Variants in SLC24A4 observed in about 807,000 individuals in gnomAD.
The protein encoded by SLC24A4 is sodium/potassium/calcium exchanger 4.
In SLC24A4, 53 loss-of-function variants were observed where a neutral mutation model predicts 79.0. The observed-to-expected ratio is 0.67, with a 90% confidence interval of 0.54 to 0.84. The LOEUF is 0.84. Among genes scored for constraint, SLC24A4 ranks in the 40% least tolerant of loss-of-function variants. The pLI is 0.00. For synonymous variants in SLC24A4, 323 were observed against 323.8 expected, an observed-to-expected ratio of 1.00 and a Z score of 0.03; for missense variants, 731 against 822.0, an observed-to-expected ratio of 0.89 and a Z score of 1.35.
chr14:92,375,479 G>T (rs1045801207), intron 2 of SLC24A4, among the ~76,000 whole-genome samples: 1 of 152,174 alleles, frequency 6.6e-6, no homozygotes, highest in Non-Finnish European at 1.5e-5. Flanking sequence ...TTGAAAACAG[G>T]TGCTTAAACA....
intron 11 of SLC24A4, among the ~76,000 whole-genome samples, chr14:92,455,337 A>G (rs898689356): frequency 6.6e-6 from 1 of 152,240 alleles, no homozygotes; most frequent in African/African-American, 2.4e-5. Flanking sequence ...TCTTCATAAC[A>G]ACCAAAAAGG....
chr14:92,388,716 C>T (rs1889304697), intron 2 of SLC24A4, among the ~76,000 whole-genome samples: 1 of 152,208 alleles, frequency 6.6e-6, no homozygotes, highest in African/African-American at 2.4e-5. Context: ...TTGTTCAGGG[C>T]AGGTGGTACC....
chr14:92,447,972 G>C (rs1323962999), intron 9 of SLC24A4, among the ~76,000 whole-genome samples: 1 of 152,122 alleles, frequency 6.6e-6, no homozygotes, highest in Admixed American at 6.5e-5. Flanking sequence ...TACCCATGAG[G>C]AATACTATGC....
Position 92,482,820 on chromosome 14 carries a change from G to A in SLC24A4, c.1396G>A (p.Val466Met). 1 of 1,613,442 alleles carries A rather than the reference G, an allele frequency of 6.2e-7. No individual in the cohort carries two copies. Among genetic ancestry groups the A allele is most frequent in the Non-Finnish European group, 8.5e-7 (1 of 1,179,554 alleles). The change falls in exon 13 of 17, where the codon GTG becomes ATG. Residue 466 changes from valine to methionine, a missense_variant. Coordinates refer to ENST00000532405, the MANE Select transcript of SLC24A4 (RefSeq NM_153646.4). The part of the protein sequence containing the change: ...TFITATLWIA[V>M]FSYIMVWLVT... ...CATCACCGCCACGCTGTGGATCGCT[G>A]TGTTCTCCTACATCATGGTGTGGCT... is the stretch of plus-strand genomic sequence containing the variant.
intron 12 of SLC24A4, among the ~76,000 whole-genome samples, chr14:92,475,511 C>CA (rs972684294): frequency 1.9e-4 from 29 of 152,172 alleles, no homozygotes; most frequent in African/African-American, 6.5e-4. Flanking sequence ...ATAAATTCTT[C>CA]AAAACCAAAG....
intron 12 of SLC24A4, among the ~76,000 whole-genome samples, chr14:92,472,700 G>C (rs1348273945): frequency 6.6e-6 from 1 of 152,130 alleles, no homozygotes; most frequent in African/African-American, 2.4e-5. Context: ...ATGAGCATTT[G>C]GGCTGGTTCC....
intron 2 of SLC24A4, among the ~76,000 whole-genome samples, chr14:92,388,358 G>A (rs916147030): frequency 6.6e-6 from 1 of 152,192 alleles, no homozygotes; most frequent in African/African-American, 2.4e-5. Flanking sequence ...ACTCAGGGTG[G>A]GTCTTCCCCA....
chr14:92,436,287 C>T (rs979331935), intron 3 of SLC24A4, among the ~76,000 whole-genome samples: 1 of 152,184 alleles, frequency 6.6e-6, no homozygotes, highest in African/African-American at 2.4e-5. Flanking sequence ...AAAATCACCC[C>T]TATACCGCCA....
chr14:92,340,973 G>C (rs1403488896), intron 2 of SLC24A4, among the ~76,000 whole-genome samples: 1 of 152,138 alleles, frequency 6.6e-6, no homozygotes, highest in Non-Finnish European at 1.5e-5. Flanking sequence ...GAAGAGTCGG[G>C]GCCTTTCTCA....
intron 10 of SLC24A4, among the ~76,000 whole-genome samples, chr14:92,449,678 TG>T (rs1893026933): frequency 6.6e-6 from 1 of 152,138 alleles, no homozygotes; most frequent in African/African-American, 2.4e-5. Context: ...GGACAAAGCA[TG>T]GGTTCTCGGG....
intron 9 of SLC24A4, among the ~76,000 whole-genome samples, chr14:92,448,345 T>TACACACTCACAC: frequency 7.6e-6 from 1 of 131,952 alleles, no homozygotes; most frequent in South Asian, 2.4e-4. Context: ...TCCCACTACA[T>TACACACTCACAC]ACACACACAC....
rs573034237 is a variant in SLC24A4 at position 92,423,294 on chromosome 14, G to A, written c.242-10618G>A. On this transcript the variant is annotated intron_variant, in intron 2 of 16. Transcript: ENST00000532405. ...TGAGTAGCTGGGATTACAGGCACGCGCGACCATGCCTGGCTAATTTTTGTA... is the reference window on the plus strand; with the variant it reads ...TGAGTAGCTGGGATTACAGGCACGCACGACCATGCCTGGCTAATTTTTGTA... 1.6e-4 allele frequency among the ~76,000 whole-genome samples: 25 copies of A among 152,024 alleles called. No individual in the cohort carries two copies. In the East Asian group the frequency reaches 3.1e-3, roughly 19 times the overall value.
chr14:92,356,610 G>C (rs770625668), intron 2 of SLC24A4, among the ~76,000 whole-genome samples: 2 of 152,226 alleles, frequency 1.3e-5, no homozygotes, highest in Non-Finnish European at 2.9e-5. Context: ...CTAGGTTGTT[G>C]TAAGGATTAG....
chr14:92,419,059 A>C (rs951869822), intron 2 of SLC24A4, among the ~76,000 whole-genome samples: 1 of 152,178 alleles, frequency 6.6e-6, no homozygotes, highest in African/African-American at 2.4e-5. Flanking sequence ...TCACACCCAC[A>C]TTATTGAGGG....
At chr14:92,463,426 G>C (rs560783901) in intron 12 of SLC24A4, among the ~76,000 whole-genome samples, 1 of 152,090 alleles carries the variant, frequency 6.6e-6, no homozygotes, top group Non-Finnish European at 1.5e-5. Context: ...CACAGTTCTC[G>C]TCTGTTCCAG....
intron 2 of SLC24A4, among the ~76,000 whole-genome samples, chr14:92,383,284 C>T (rs1039530948): frequency 6.6e-6 from 1 of 152,196 alleles, no homozygotes; most frequent in Non-Finnish European, 1.5e-5. Flanking sequence ...ATTCTGTGCC[C>T]TCCCCTCCTG....
In SLC24A4 at chr14:92,486,756, G is replaced by T. The variant is rs1367080802; in HGVS notation, c.1513G>T (p.Ala505Ser). 6.2e-6 allele frequency: 10 copies of T among 1,614,010 alleles called. No individual in the cohort carries two copies. Among genetic ancestry groups the T allele is most frequent in the Non-Finnish European group, 8.5e-6 (10 of 1,179,920 alleles). ...AAGTSVPDCM[A>S]SLIVARQGLG... ...AGGGACAAGTGTTCCAGACTGCATGGCCAGCCTAATTGTGGCGAGACAAGG... is the reference window on the plus strand; with the variant it reads ...AGGGACAAGTGTTCCAGACTGCATGTCCAGCCTAATTGTGGCGAGACAAGG... The change falls in exon 14 of 17, where the codon GCC becomes TCC. Residue 505 changes from alanine to serine, a missense_variant. Transcript: ENST00000532405.
chr14:92,372,949 C>T (rs1394244798), intron 2 of SLC24A4, among the ~76,000 whole-genome samples: 10 of 127,404 alleles, frequency 7.8e-5, no homozygotes, highest in Admixed American at 2.5e-4. Flanking sequence ...TTCTCTCTCT[C>T]TCTCTCTCCC....
At chr14:92,484,995 C>T (rs1467594270) in intron 13 of SLC24A4, 1 of 692,858 alleles carries the variant, frequency 1.4e-6, no homozygotes, top group Non-Finnish European at 1.8e-6. Flanking sequence ...TCATCTTGTT[C>T]AAGCATTGTG....
Sources: gnomAD v4.1 joint callset for allele counts (sites outside exome capture counted in the v4.1 genomes callset) on GRCh38, gnomAD v4.1.1 for gene constraint, MANE v1.5 for transcripts, NCBI Gene and HGNC (gene_info 2026-07-23, HGNC 2026-07-21) for gene names.